Variants in RUNX2 observed in about 807,000 individuals in gnomAD.
RUNX2 encodes RUNX family transcription factor 2, also known as runt-related transcription factor 2.
A neutral mutation model predicts 51.7 loss-of-function variants in RUNX2; 10 were observed. The ratio of observed to expected loss-of-function variants is 0.19; its 90% CI spans 0.12 to 0.33. The LOEUF is 0.33. Among genes scored for constraint, RUNX2 ranks in the 10% least tolerant of loss-of-function variants. The probability of loss-of-function intolerance (pLI) is 1.00; values close to 1 mark genes in which losing one functional copy is unlikely to be tolerated. For synonymous variants in RUNX2, 276 were observed against 273.6 expected (o/e 1.01, Z -0.09); for missense variants, 562 against 691.3 (o/e 0.81, Z 2.10).
chr6:45,330,446 G>A (rs1030735503), intron 2 of RUNX2, among the ~76,000 whole-genome samples: 1 of 151,832 alleles, frequency 6.6e-6, no homozygotes, highest in South Asian at 2.1e-4. Flanking sequence ...GGATAACAGA[G>A]GCAGTTAAGT....
At chr6:45,478,651 TG>T (rs1390183829) in intron 5 of RUNX2, among the ~76,000 whole-genome samples, 228 of 152,064 alleles carry the variant, frequency 1.5e-3, no homozygotes, top group Non-Finnish European at 2.5e-3. Flanking sequence ...TGTGTGTGTG[TG>T]TGTGTGTGTG....
intron 2 of RUNX2, among the ~76,000 whole-genome samples, chr6:45,367,614 G>A (rs898800805): frequency 6.6e-6 from 1 of 152,156 alleles, no homozygotes; most frequent in African/African-American, 2.4e-5. Context: ...AAGGCTGACA[G>A]AGCTATCTTC....
Position 45,422,752 on chromosome 6 carries a change from C to T in RUNX2, c.218C>T (p.Ala73Val). The T allele has an allele frequency of 7.6e-7, 1 of 1,323,650 alleles. No individual in the cohort carries two copies. Among genetic ancestry groups the T allele is most frequent in the South Asian group, 1.4e-5 (1 of 71,504 alleles). 82.0% of individuals were successfully genotyped at this position (1,323,650 alleles called of 1,614,324 possible). A position where few individuals can be genotyped will look rare whatever the true frequency, so the allele number is the denominator to read the frequency against. Residue 73 changes from alanine (A) to valine (V), a missense_variant, in exon 3 of 9, where the codon GCG becomes GTG. This residue lies in a region of RUNX2 where 153 missense variants were observed against 144.8 expected (regional missense o/e 1.06). Transcript: ENST00000647337. ...QQQQQQQQQE[A>V]AAAAAAAAAA... Reference sequence around the variant, plus strand: ...CAACAGCAGCAGCAGCAGCAGGAGGCGGCGGCGGCGGCTGCGGCGGCGGCG... The same window carrying T: ...CAACAGCAGCAGCAGCAGCAGGAGGTGGCGGCGGCGGCTGCGGCGGCGGCG...
intron 2 of RUNX2, among the ~76,000 whole-genome samples, chr6:45,370,555 A>G (rs1162057545): frequency 1.3e-5 from 2 of 152,194 alleles, no homozygotes; most frequent in Non-Finnish European, 2.9e-5. Flanking sequence ...ATTAATCAAT[A>G]TAATAGAACT....
chr6:45,331,279 G>A (rs886243829), intron 2 of RUNX2, among the ~76,000 whole-genome samples: 5 of 152,014 alleles, frequency 3.3e-5, no homozygotes, highest in Non-Finnish European at 5.9e-5. Flanking sequence ...AATCACAGAT[G>A]TGACTCATAG....
chr6:45,447,703 A>G (rs1799043503), intron 5 of RUNX2, among the ~76,000 whole-genome samples: 1 of 152,098 alleles, frequency 6.6e-6, no homozygotes. Context: ...TTATACTTGT[A>G]TTTATCCATT....
At chr6:45,521,829 C>T (rs1013776879) in intron 7 of RUNX2, among the ~76,000 whole-genome samples, 2 of 152,186 alleles carry the variant, frequency 1.3e-5, no homozygotes, top group African/African-American at 4.8e-5. Context: ...CAGAACCAAA[C>T]TATTCCTCTC....
intron 5 of RUNX2, among the ~76,000 whole-genome samples, chr6:45,479,827 CTT>C (rs1563104558): frequency 6.6e-6 from 1 of 152,168 alleles, no homozygotes; most frequent in African/African-American, 2.4e-5. Flanking sequence ...GAATAATACA[CTT>C]TAAAAAAATC....
intron 5 of RUNX2, among the ~76,000 whole-genome samples, chr6:45,467,362 AC>A (rs2150390790): frequency 6.6e-6 from 1 of 152,114 alleles, no homozygotes; most frequent in East Asian, 1.9e-4. Flanking sequence ...GCTGACTGCA[AC>A]CTCTGCCTCC....
At chr6:45,391,910 A>C (rs1797479704) in intron 2 of RUNX2, among the ~76,000 whole-genome samples, 1 of 152,200 alleles carries the variant, frequency 6.6e-6, no homozygotes, top group Non-Finnish European at 1.5e-5. Context: ...AGCATAGAGG[A>C]GATTAGTTTT....
intron 3 of RUNX2, among the ~76,000 whole-genome samples, chr6:45,429,062 T>A (rs772657755): frequency 1.1e-4 from 16 of 152,178 alleles, no homozygotes; most frequent in Non-Finnish European, 2.1e-4. Flanking sequence ...AAAAAGCACA[T>A]CATTATAATT....
intron 2 of RUNX2, among the ~76,000 whole-genome samples, chr6:45,403,872 A>AT (rs1369275637): frequency 6.6e-6 from 1 of 152,152 alleles, no homozygotes; most frequent in East Asian, 1.9e-4. Flanking sequence ...CAGGGGAAGA[A>AT]TAGGGAGCCA....
chr6:45,437,719 T>C (rs901147336), intron 4 of RUNX2, among the ~76,000 whole-genome samples: 1 of 152,186 alleles, frequency 6.6e-6, no homozygotes, highest in African/African-American at 2.4e-5. Flanking sequence ...GGAGTCTTCC[T>C]GTGTAGCACT....
At chr6:45,509,693 G>A (rs1165189428) in intron 6 of RUNX2, among the ~76,000 whole-genome samples, 2 of 152,226 alleles carry the variant, frequency 1.3e-5, no homozygotes, top group African/African-American at 4.8e-5. Context: ...TCACTAGAAA[G>A]CCCACTTGTT....
intron 2 of RUNX2, among the ~76,000 whole-genome samples, chr6:45,347,136 A>C (rs1451708967): frequency 6.6e-6 from 1 of 152,192 alleles, no homozygotes; most frequent in African/African-American, 2.4e-5. Context: ...GCTAAGACTA[A>C]AGAATTATTT....
chr6:45,465,520 G>T (rs998420279), intron 5 of RUNX2, among the ~76,000 whole-genome samples: 4 of 151,902 alleles, frequency 2.6e-5, no homozygotes, highest in Non-Finnish European at 5.9e-5. Context: ...TTAAAAAGTG[G>T]CCTTGTCTAG....
intron 7 of RUNX2, among the ~76,000 whole-genome samples, chr6:45,518,565 G>C (rs941003762): frequency 3.3e-5 from 5 of 152,072 alleles, no homozygotes; most frequent in Non-Finnish European, 5.9e-5. Flanking sequence ...TTGGTTGTAT[G>C]ATTAATTACT....
intron 2 of RUNX2, among the ~76,000 whole-genome samples, chr6:45,364,433 T>C (rs1315052336): frequency 6.6e-6 from 1 of 152,176 alleles, no homozygotes; most frequent in African/African-American, 2.4e-5. Flanking sequence ...TCTTTTCAAC[T>C]ACCTGTTAAG....
At chr6:45,418,485 T>C (rs1426210827) in intron 2 of RUNX2, among the ~76,000 whole-genome samples, 1 of 152,104 alleles carries the variant, frequency 6.6e-6, no homozygotes, top group Non-Finnish European at 1.5e-5. Flanking sequence ...TGAAGAGAAA[T>C]AGGGTGGGTG....
Sources: gnomAD v4.1 joint callset for allele counts (sites outside exome capture counted in the v4.1 genomes callset) on GRCh38, gnomAD v4.1.1 for gene constraint, gnomAD v4.1.1 regional missense constraint, MANE v1.5 for transcripts, NCBI Gene and HGNC (gene_info 2026-07-23, HGNC 2026-07-21) for gene names.